Variants in ADPRHL1 observed in about 807,000 individuals in gnomAD.
The protein encoded by ADPRHL1 is inactive ADP-ribosyltransferase ARH2.
ADPRHL1 carries 43 observed loss-of-function variants against 44.1 expected under a neutral mutation model. The observed-to-expected ratio is 0.98, with a 90% CI of 0.76 to 1.26. The LOEUF (loss-of-function observed/expected upper bound fraction) is 1.26, where lower values mean the gene tolerates loss of function less well. Ranked by LOEUF, ADPRHL1 falls within the 50% of genes most tolerant of loss-of-function variation. The probability of loss-of-function intolerance (pLI) is 0.00; values close to 1 mark genes in which losing one functional copy is unlikely to be tolerated. For missense variants in ADPRHL1, 2,022 were observed against 2,496.9 expected (o/e 0.81, Z 4.05); for synonymous variants, 878 against 1,017.4 (o/e 0.86, Z 2.61).
At chr13:113,438,381 C>T (rs1326324045) in intron 2 of ADPRHL1, among the ~76,000 whole-genome samples, 1 of 152,052 alleles carries the variant, frequency 6.6e-6, no homozygotes, top group Non-Finnish European at 1.5e-5. Context: ...AGAAGTTTTG[C>T]CCATGTTTTA....
intron 3 of ADPRHL1, 66 bp downstream of exon 3, chr13:113,433,675 GA>G: frequency 1.3e-6 from 2 of 1,490,648 alleles, no homozygotes; most frequent in Admixed American, 2.1e-5. Flanking sequence ...CTTAACCTGT[GA>G]GGTGGTTGTG....
At chr13:113,442,035 C>T (rs1281968276) in intron 2 of ADPRHL1, among the ~76,000 whole-genome samples, 1 of 152,290 alleles carries the variant, frequency 6.6e-6, no homozygotes, top group African/African-American at 2.4e-5. Flanking sequence ...GGTTTTCCTT[C>T]TGTCTGAGTG....
chr13:113,429,442 G>A (rs549198768), intron 3 of ADPRHL1, among the ~76,000 whole-genome samples: 2 of 152,194 alleles, frequency 1.3e-5, no homozygotes, highest in Non-Finnish European at 2.9e-5. Context: ...TGTGGCGGGC[G>A]TGTTCCACTC....
rs2139595394 is a variant in ADPRHL1, at chr13:113,406,949, G to C, written c.2333C>G (p.Pro778Arg). 1 of 1,232,182 alleles carries C rather than the reference G, an allele frequency of 8.1e-7. No individual in the cohort carries two copies. The highest frequency in any genetic ancestry group is 3.2e-5 in the East Asian group (1 of 31,714). The allele number at this position is 1,232,182 out of a possible 1,614,324, so 76.3% of individuals were successfully genotyped here. The part of the protein sequence containing the change: ...GPPGECAGEG[P>R]EITMTVCSSE... Reference sequence around the variant, plus strand: ...ACTGCAAACAGTCATGGTGATTTCAGGGCCCTCCCCTGCACACTCGCCTGG... The same window carrying C: ...ACTGCAAACAGTCATGGTGATTTCACGGCCCTCCCCTGCACACTCGCCTGG... Residue 778 changes from proline (P) to arginine (R), a missense_variant, in exon 8 of 8, where the codon CCT becomes CGT. This residue lies in a region of ADPRHL1 where 1,221 missense variants were observed against 1,517.8 expected (regional missense o/e 0.80). Coordinates refer to ENST00000612156, the MANE Select transcript of ADPRHL1 (RefSeq NM_001394807.1).
intron 4 of ADPRHL1, among the ~76,000 whole-genome samples, chr13:113,427,326 G>A (rs1273515479): frequency 6.6e-6 from 1 of 152,150 alleles, no homozygotes; most frequent in Non-Finnish European, 1.5e-5. Context: ...TTTCTAAGGT[G>A]GGTCAGGGCG....
At chr13:113,428,404 T>G (rs1399479327) in intron 4 of ADPRHL1, among the ~76,000 whole-genome samples, 4 of 152,336 alleles carry the variant, frequency 2.6e-5, no homozygotes, top group East Asian at 3.9e-4. Flanking sequence ...AAAGGCTGCA[T>G]GAAGCTGCCT....
chr13:113,440,254 C>T (rs2044087825), intron 2 of ADPRHL1, among the ~76,000 whole-genome samples: 1 of 152,130 alleles, frequency 6.6e-6, no homozygotes, highest in Admixed American at 6.6e-5. Context: ...TCAGTTTTTG[C>T]TTCATATATT....
chr13:113,426,086 T>G (rs2043966305), intron 4 of ADPRHL1, among the ~76,000 whole-genome samples: 1 of 151,912 alleles, frequency 6.6e-6, no homozygotes, highest in South Asian at 2.1e-4. Context: ...GTGGCATGTT[T>G]CATTACTCCT....
In ADPRHL1 at chr13:113,404,919, G is replaced by A. The variant is rs188143086; in HGVS notation, c.4363C>T (p.Arg1455Trp). The A allele has an allele frequency of 4.3e-5, 54 of 1,244,450 alleles. No individual in the cohort carries two copies. Among genetic ancestry groups the A allele is most frequent in the South Asian group, 2.3e-4 (6 of 26,604 alleles). The allele number at this position is 1,244,450 out of a possible 1,614,324, so 77.1% of individuals were successfully genotyped here. A position where few individuals can be genotyped will look rare whatever the true frequency, so the allele number is the denominator to read the frequency against. Residue 1455 changes from arginine to tryptophan, a missense_variant, in exon 8 of 8, where the codon CGG becomes TGG. By Grantham distance (101) the Arg-to-Trp change is moderately radical (BLOSUM62 -3). This residue lies in a region of ADPRHL1 where 1,221 missense variants were observed against 1,517.8 expected (regional missense o/e 0.80). Transcript: ENST00000612156. ...HLQGPWEERGRSTAWGEGTRA... is the reference protein window; with the variant it reads ...HLQGPWEERGWSTAWGEGTRA... ...GTGCCCTCTCCCCACGCCGTGCTCCGCCCCCGCTCCTCCCAGGGTCCCTGC... is the reference window on the plus strand; with the variant it reads ...GTGCCCTCTCCCCACGCCGTGCTCCACCCCCGCTCCTCCCAGGGTCCCTGC...
chr13:113,428,620 C>T (rs568467826), intron 4 of ADPRHL1, among the ~76,000 whole-genome samples: 5 of 152,394 alleles, frequency 3.3e-5, no homozygotes, highest in East Asian at 1.9e-4. Flanking sequence ...ACAGGTCCCA[C>T]TCACATCCCA....
intron 2 of ADPRHL1, among the ~76,000 whole-genome samples, chr13:113,434,889 A>G (rs61968978): frequency 3.0e-3 from 152 of 51,282 alleles, no homozygotes; most frequent in African/African-American, 4.2e-3. Context: ...CCCGGGACCC[A>G]GCACCCAGGT....
chr13:113,402,889 T>C lies in ADPRHL1; in HGVS notation c.*489A>G, dbSNP rs919799064. The stretch of plus-strand genomic sequence containing the variant: ...GGGGGTGGGGCGGTGTGCATCACTT[T>C]GGGCCCATGGATGGTGGGTGCCATG... On this transcript the variant is annotated 3_prime_UTR_variant, in exon 8 of 8. Coordinates refer to ENST00000612156, the MANE Select transcript of ADPRHL1 (RefSeq NM_001394807.1). The C allele has an allele frequency of 1.3e-5, 2 of 152,568 alleles. No individual in the cohort carries two copies. The highest frequency in any genetic ancestry group is 4.8e-5 in the African/African-American group (2 of 41,442). The allele number at this position is 152,568 out of a possible 1,614,324, so 9.5% of individuals were successfully genotyped here.
chr13:113,410,140 A>C (rs909203190), intron 7 of ADPRHL1: 2 of 985,148 alleles, frequency 2.0e-6, no homozygotes, highest in Admixed American at 1.2e-4. Flanking sequence ...GCCAGGACGG[A>C]CCCCACACGG....
At chr13:113,423,473 CG>C (rs1488278394) in intron 6 of ADPRHL1, among the ~76,000 whole-genome samples, 1 of 152,206 alleles carries the variant, frequency 6.6e-6, no homozygotes. Flanking sequence ...GGGGCTGAGC[CG>C]GCTCTGTGCA....
intron 2 of ADPRHL1, among the ~76,000 whole-genome samples, chr13:113,435,152 A>G (rs1378046478): frequency 4.1e-4 from 20 of 49,080 alleles, no homozygotes; most frequent in African/African-American, 4.7e-4. Flanking sequence ...GCACCCACGC[A>G]TAGAGTGAAC....
Position 113,410,184 on chromosome 13 carries a change from T to C in ADPRHL1, c.1062-1964A>G, listed in dbSNP as rs186081385. The C allele has an allele frequency of 1.9e-3, 1,779 of 953,618 alleles. 24 individuals carry two copies. In the African/African-American group the frequency reaches 0.026, roughly 14 times the overall value. 59.1% of individuals were successfully genotyped at this position (953,618 alleles called of 1,614,324 possible). A position where few individuals can be genotyped will look rare whatever the true frequency, so the allele number is the denominator to read the frequency against. ...CAGGGCCGCAGATGGAACACAGGAC[T>C]CCGCTTCCCCCACCTTCCCGAGACG... On this transcript the variant is annotated intron_variant, in intron 7 of 7. Transcript: ENST00000612156.
intron 2 of ADPRHL1, among the ~76,000 whole-genome samples, chr13:113,443,624 T>C (rs557837837): frequency 2.9e-4 from 43 of 148,448 alleles, no homozygotes; most frequent in Middle Eastern, 3.6e-3. Flanking sequence ...GTCTACAAAA[T>C]AAATAAATAA....
At chr13:113,433,622 G>T in intron 3 of ADPRHL1, 120 bp downstream of exon 3, 3 of 1,464,340 alleles carry the variant, frequency 2.0e-6, no homozygotes, top group Non-Finnish European at 2.7e-6. Context: ...TTAAGCAGAC[G>T]TGCAGATGGC....
Position 113,408,193 on chromosome 13 carries a change from G to T in ADPRHL1, c.1089C>A (p.Asp363Glu). Reference sequence around the variant, plus strand: ...GGGTTTGGGCGTCCACAGACATGACGTCACTGCAGGTCTTGCTGCTCTTCC... The same window carrying T: ...GGGTTTGGGCGTCCACAGACATGACTTCACTGCAGGTCTTGCTGCTCTTCC... ...ENRKSSKTCS[D>E]VMSVDAQTLK... is the part of the protein sequence containing the mutation. Residue 363 changes from aspartate (D) to glutamate (E), a missense_variant, in exon 8 of 8, where the codon GAC (aspartate) becomes GAA (glutamate). Transcript: ENST00000612156. The T allele has an allele frequency of 8.1e-7, 1 of 1,232,010 alleles. No homozygotes were observed. The highest frequency in any genetic ancestry group is 1.0e-6 in the Non-Finnish European group (1 of 987,972). The allele number at this position is 1,232,010 out of a possible 1,614,324, so 76.3% of individuals were successfully genotyped here. A position where few individuals can be genotyped will look rare whatever the true frequency, so the allele number is the denominator to read the frequency against.
Sources: gnomAD v4.1 joint callset for allele counts (sites outside exome capture counted in the v4.1 genomes callset) on GRCh38, gnomAD v4.1.1 for gene constraint, gnomAD v4.1.1 regional missense constraint, MANE v1.5 for transcripts, NCBI Gene and HGNC (gene_info 2026-07-23, HGNC 2026-07-21) for gene names.